The following CLEC12B variants were observed in gnomAD, a reference collection of about 807,000 sequenced individuals.
CLEC12B encodes the protein macrophage antigen h.
Under a neutral mutation model 36.1 loss-of-function variants are expected in CLEC12B, and 25 were observed. The observed-to-expected ratio is 0.69, with a 90% CI of 0.50 to 0.97. CLEC12B has a LOEUF of 0.97. CLEC12B is among the 50% of genes least tolerant of loss of function. The pLI is 0.00. For synonymous variants in CLEC12B, 110 were observed against 108.5 expected, an observed-to-expected ratio of 1.01 and a Z score of -0.09; for missense variants, 325 against 318.4, an observed-to-expected ratio of 1.02 and a Z score of -0.16.
upstream of CLEC12B, among the ~76,000 whole-genome samples, chr12:10,007,908 G>T (rs1212015817): frequency 6.6e-6 from 1 of 152,146 alleles, no homozygotes; most frequent in Non-Finnish European, 1.5e-5. Flanking sequence ...TGAGACATGA[G>T]GGATTGACAA....
At chr12:10,009,007 A>G (rs1233163450), upstream of CLEC12B, among the ~76,000 whole-genome samples, 1 of 152,202 alleles carries the variant, frequency 6.6e-6, no homozygotes, top group African/African-American at 2.4e-5. Context: ...CGCACCGATC[A>G]GCGCTCTGTA....
At chr12:10,015,877 A>G in intron 5 of CLEC12B, 150 bp downstream of exon 5, 1 of 1,462,302 alleles carries the variant, frequency 6.8e-7, no homozygotes, top group Non-Finnish European at 9.0e-7. Context: ...GAAAGGAGGT[A>G]TAGTTCATTT....
At chr12:10,010,573 T>G, upstream of CLEC12B, 1 of 478,326 alleles carries the variant, frequency 2.1e-6, no homozygotes, top group Admixed American at 3.5e-5. Context: ...GGAGAATATT[T>G]GGCTTTTCTC....
chr12:10,018,047 TA>T lies in CLEC12B; in HGVS notation c.681-283del, dbSNP rs1330421442. 43 of 804,984 alleles carry T rather than the reference TA, an allele frequency of 5.3e-5. No homozygotes were observed. The South Asian group carries it at 2.3e-3, about 44-fold the overall frequency. The allele number at this position is 804,984 out of a possible 1,614,324, so 49.9% of individuals were successfully genotyped here. On this transcript the variant is annotated intron_variant, in intron 5 of 5. Transcript: ENST00000338896. ...ACTGATTAGATTTCATTAATGGAAT[TA>T]CATATTTATGAAGGAAATACAAATT...
At chr12:10,010,602 C>T (rs1387986662), upstream of CLEC12B, 2 of 522,334 alleles carry the variant, frequency 3.8e-6, no homozygotes, top group African/African-American at 3.9e-5. Flanking sequence ...TGTAGAGAAA[C>T]AAATTGTCAT....
At chr12:10,008,124 T>C (rs1865252386), upstream of CLEC12B, among the ~76,000 whole-genome samples, 2 of 152,280 alleles carry the variant, frequency 1.3e-5, no homozygotes, top group African/African-American at 4.8e-5. Context: ...ATAGCCACGT[T>C]GCTAATAATG....
chr12:10,008,353 T>C (rs1565576631), upstream of CLEC12B, among the ~76,000 whole-genome samples: 1 of 152,198 alleles, frequency 6.6e-6, no homozygotes, highest in Non-Finnish European at 1.5e-5. Flanking sequence ...TTTTTGTGTG[T>C]GAGCAACTGA....
chr12:10,017,523 G>C, intron 5 of CLEC12B: 1 of 985,440 alleles, frequency 1.0e-6, no homozygotes, highest in Non-Finnish European at 1.2e-6. Flanking sequence ...GGAACCTACA[G>C]ACCCTGGCCC....
chr12:10,006,385 G>A (rs538486411), upstream of CLEC12B, among the ~76,000 whole-genome samples: 30 of 151,616 alleles, frequency 2.0e-4, no homozygotes, highest in African/African-American at 7.0e-4. Context: ...CTCAAGGCAC[G>A]AATCTATAAG....
At chr12:10,014,502 G>T in intron 2 of CLEC12B, 21 bp from the exon 3 acceptor site, 1 of 1,527,042 alleles carries the variant, frequency 6.5e-7, no homozygotes, top group Non-Finnish European at 9.1e-7. Flanking sequence ...ATATGAACTT[G>T]TCTCCTGTCA....
Position 10,018,690 on chromosome 12 carries a change from C to T in CLEC12B, c.*209C>T. 1.9e-6 allele frequency: 1 copy of T among 525,936 alleles called. No homozygotes were observed. Among genetic ancestry groups the T allele is most frequent in the Non-Finnish European group, 3.3e-6 (1 of 301,220 alleles). 32.6% of individuals were successfully genotyped at this position (525,936 alleles called of 1,614,324 possible). ...GTTATTATTCGGTCTTAAAATTATA[C>T]CTGGGGACAAAGGGGAATAGCCATA... On this transcript the variant is annotated 3_prime_UTR_variant, in exon 6 of 6. Coordinates refer to ENST00000338896, the MANE Select transcript of CLEC12B (RefSeq NM_001129998.3).
At chr12:10,010,198 T>TCACACA (rs750091791), upstream of CLEC12B, among the ~76,000 whole-genome samples, 3,458 of 96,712 alleles carry the variant, frequency 0.036, 52 homozygotes, top group East Asian at 0.12. Flanking sequence ...TCTGTCTCTC[T>TCACACA]CTCACACACA....
chr12:10,018,305 A>G (rs1865536990), intron 5 of CLEC12B, 26 bp from the exon 6 acceptor site: 1 of 1,316,360 alleles, frequency 7.6e-7, no homozygotes, highest in South Asian at 1.4e-5. Flanking sequence ...TACAGAATTT[A>G]TAATTAATTT....
chr12:10,015,080 T>A (rs904085651), intron 3 of CLEC12B, among the ~76,000 whole-genome samples, 172 bp from the exon 4 acceptor site: 2 of 152,168 alleles, frequency 1.3e-5, no homozygotes, highest in Non-Finnish European at 2.9e-5. Context: ...GAATCCCTGT[T>A]GCCCCAACCC....
intron 5 of CLEC12B, chr12:10,017,257 T>A (rs1012340457): frequency 4.1e-6 from 4 of 985,246 alleles, no homozygotes; most frequent in Middle Eastern, 5.2e-4. Flanking sequence ...TGCAGAGTAA[T>A]ACACAAACAA....
chr12:10,006,465 T>C (rs1342056840), upstream of CLEC12B, among the ~76,000 whole-genome samples: 1 of 142,184 alleles, frequency 7.0e-6, no homozygotes, highest in African/African-American at 2.5e-5. Context: ...AAGTTTTTTG[T>C]TTTTTTTTTA....
intron 5 of CLEC12B, chr12:10,016,502 A>G (rs1159210938): frequency 7.6e-6 from 2 of 263,876 alleles, no homozygotes; most frequent in African/African-American, 4.6e-5. Context: ...CACAGACTAT[A>G]AAACAAAAAA....
intron 5 of CLEC12B, chr12:10,017,031 T>A (rs567024838): frequency 1.0e-6 from 1 of 984,980 alleles, no homozygotes; most frequent in South Asian, 4.7e-5. Flanking sequence ...CTGTCAAAGA[T>A]GCCATGCTTC....
At chr12:10,016,904 T>TG in intron 5 of CLEC12B, 10 of 810,598 alleles carry the variant, frequency 1.2e-5, no homozygotes, top group Non-Finnish European at 1.3e-5. Context: ...GTATTCATAA[T>TG]GGCTTTTTAT....
Sources: gnomAD v4.1 joint callset for allele counts (sites outside exome capture counted in the v4.1 genomes callset) on GRCh38, gnomAD v4.1.1 for gene constraint, MANE v1.5 for transcripts, NCBI Gene and HGNC (gene_info 2026-07-23, HGNC 2026-07-21) for gene names.